PCGF5: variants seen among roughly 807,000 people sequenced by gnomAD.
The protein encoded by PCGF5 is polycomb group RING finger protein 5.
In PCGF5, 9 loss-of-function variants were observed where a neutral mutation model predicts 44.3. The observed-to-expected ratio is 0.20, with a 90% CI of 0.12 to 0.35. The LOEUF is 0.35. PCGF5 is among the 10% of genes least tolerant of loss of function. PCGF5 has a pLI of 1.00. For synonymous variants in PCGF5, 95 were observed against 102.5 expected, an observed-to-expected ratio of 0.93 and a Z score of 0.44; for missense variants, 146 against 305.3, an observed-to-expected ratio of 0.48 and a Z score of 3.89.
At chr10:91,234,374 GAC>G (rs1183751261) in intron 2 of PCGF5, among the ~76,000 whole-genome samples, 7 of 152,266 alleles carry the variant, frequency 4.6e-5, no homozygotes, top group Middle Eastern at 3.4e-3. Flanking sequence ...GTCAATCTTG[GAC>G]ACACACCTCA....
At chr10:91,211,878 T>C (rs1383785884) in intron 1 of PCGF5, among the ~76,000 whole-genome samples, 2 of 151,554 alleles carry the variant, frequency 1.3e-5, no homozygotes, top group Non-Finnish European at 2.9e-5. Flanking sequence ...GCCCCAGAGG[T>C]GTTGCAGTGC....
intron 1 of PCGF5, among the ~76,000 whole-genome samples, chr10:91,197,644 G>A (rs901654684): frequency 9.9e-5 from 15 of 152,284 alleles, no homozygotes; most frequent in African/African-American, 2.6e-4. Flanking sequence ...TAGAGAGTGC[G>A]TGGGAGCCTT....
intron 2 of PCGF5, among the ~76,000 whole-genome samples, chr10:91,232,262 G>A (rs1845028828): frequency 6.6e-6 from 1 of 152,174 alleles, no homozygotes; most frequent in Non-Finnish European, 1.5e-5. Flanking sequence ...CAATGAAGTG[G>A]TAGGAGCAAA....
intron 6 of PCGF5, among the ~76,000 whole-genome samples, chr10:91,258,080 C>T (rs1028559893): frequency 6.6e-6 from 1 of 151,896 alleles, no homozygotes; most frequent in Admixed American, 6.6e-5. Flanking sequence ...TCCATTTATA[C>T]GAAATATCCA....
intron 1 of PCGF5, among the ~76,000 whole-genome samples, chr10:91,209,584 G>A (rs1472456624): frequency 2.1e-4 from 1 of 4,760 alleles, no homozygotes; most frequent in East Asian, 7.1e-3. Context: ...GTGAAACCCC[G>A]TCTCTACTAA....
chr10:91,234,704 T>C (rs1054558196), intron 2 of PCGF5, among the ~76,000 whole-genome samples: 6 of 152,258 alleles, frequency 3.9e-5, no homozygotes, highest in African/African-American at 1.2e-4. Flanking sequence ...ATTTATTGAA[T>C]ACTTACAAGT....
Position 91,233,530 on chromosome 10 carries a change from G to A in PCGF5, c.113-6954G>A, listed in dbSNP as rs781351336. 3.9e-5 allele frequency among the ~76,000 whole-genome samples: 6 copies of A among 152,016 alleles called. No individual in the cohort carries two copies. In the East Asian group the frequency reaches 5.8e-4, roughly 15 times the overall value. On this transcript the variant is annotated intron_variant, in intron 2 of 9. Coordinates refer to ENST00000336126, the MANE Select transcript of PCGF5 (RefSeq NM_032373.5). ...GAAAGAAAGAAACGTGCCAATATAC[G>A]GCACATTATGTAATATATATACACA...
chr10:91,224,657 G>A (rs1372006400), intron 2 of PCGF5, among the ~76,000 whole-genome samples: 1 of 152,132 alleles, frequency 6.6e-6, no homozygotes, highest in Non-Finnish European at 1.5e-5. Context: ...ATATGGGAAA[G>A]CAGTCTGTAT....
chr10:91,224,736 A>G (rs1844770884), intron 2 of PCGF5, among the ~76,000 whole-genome samples: 1 of 152,214 alleles, frequency 6.6e-6, no homozygotes, highest in African/African-American at 2.4e-5. Context: ...ATAGCAAATC[A>G]GTTAGAAGCC....
At chr10:91,245,705 A>G (rs900591876) in intron 3 of PCGF5, among the ~76,000 whole-genome samples, 2 of 152,160 alleles carry the variant, frequency 1.3e-5, no homozygotes, top group South Asian at 2.1e-4. Context: ...GACAGCGAGT[A>G]CATGGTGCAG....
At chr10:91,268,574 A>G (rs999855558) in intron 8 of PCGF5, among the ~76,000 whole-genome samples, 2 of 151,972 alleles carry the variant, frequency 1.3e-5, no homozygotes, top group East Asian at 3.9e-4. Flanking sequence ...TTTCCTCCTC[A>G]TATTGGATAC....
chr10:91,198,149 G>A (rs971465655), intron 1 of PCGF5, among the ~76,000 whole-genome samples: 4 of 152,294 alleles, frequency 2.6e-5, no homozygotes, highest in South Asian at 4.1e-4. Flanking sequence ...GTCAGATCAC[G>A]TCATTTTATG....
At chr10:91,166,937 C>A (rs1843511215) in intron 1 of PCGF5, among the ~76,000 whole-genome samples, 1 of 152,172 alleles carries the variant, frequency 6.6e-6, no homozygotes, top group Admixed American at 6.5e-5. Flanking sequence ...GCAGCTTAAT[C>A]TCTCAGAAGT....
At chr10:91,206,005 G>C (rs973511693) in intron 1 of PCGF5, among the ~76,000 whole-genome samples, 2 of 152,084 alleles carry the variant, frequency 1.3e-5, no homozygotes, top group African/African-American at 4.8e-5. Flanking sequence ...CTGGGTGACG[G>C]ACCGCGACTC....
upstream of PCGF5, among the ~76,000 whole-genome samples, chr10:91,161,741 A>G (rs1843387677): frequency 6.6e-6 from 1 of 152,202 alleles, no homozygotes; most frequent in Admixed American, 6.5e-5. Context: ...TTCCTGCAAG[A>G]TGAGGTTTGC....
chr10:91,257,852 T>A (rs528379625), intron 6 of PCGF5, among the ~76,000 whole-genome samples: 120 of 152,264 alleles, frequency 7.9e-4, no homozygotes, highest in South Asian at 4.1e-4. Context: ...AAATCTTGTA[T>A]ATGTATATTC....
At chr10:91,158,128 G>A (rs1843342381), upstream of PCGF5, among the ~76,000 whole-genome samples, 1 of 152,168 alleles carries the variant, frequency 6.6e-6, no homozygotes, top group African/African-American at 2.4e-5. Flanking sequence ...ATTAACCTAA[G>A]AAATCTAAAG....
At chr10:91,203,861 T>A (rs1037034606) in intron 1 of PCGF5, among the ~76,000 whole-genome samples, 16 of 152,184 alleles carry the variant, frequency 1.1e-4, no homozygotes, top group African/African-American at 3.9e-4. Flanking sequence ...TAAACCTGAT[T>A]GTTTTAGGCT....
At chr10:91,213,085 T>C (rs1051601386) in intron 1 of PCGF5, among the ~76,000 whole-genome samples, 3 of 152,116 alleles carry the variant, frequency 2.0e-5, no homozygotes, top group Non-Finnish European at 4.4e-5. Context: ...GTATAGAGAG[T>C]GTTCTTATGT....
Sources: gnomAD v4.1 joint callset for allele counts (sites outside exome capture counted in the v4.1 genomes callset) on GRCh38, gnomAD v4.1.1 for gene constraint, MANE v1.5 for transcripts, NCBI Gene and HGNC (gene_info 2026-07-23, HGNC 2026-07-21) for gene names.